The following GLI2 variants were observed in gnomAD, a reference collection of about 807,000 sequenced individuals.
GLI2 encodes transcription activator GLI2.
Under a neutral mutation model 78.9 loss-of-function variants are expected in GLI2, and 22 were observed. That is an observed-to-expected ratio of 0.28 (90% CI 0.20 to 0.40). The LOEUF (loss-of-function observed/expected upper bound fraction) is 0.40, where lower values mean the gene tolerates loss of function less well. Among genes scored for constraint, GLI2 ranks in the 10% least tolerant of loss-of-function variants. The pLI, the probability that GLI2 is intolerant of heterozygous loss-of-function variation, is 1.00. For missense variants in GLI2, 2,097 were observed against 2,213.2 expected (o/e 0.95, Z 1.05); for synonymous variants, 974 against 963.7 (o/e 1.01, Z -0.20).
At position 120,797,462 on chromosome 2, in the gene GLI2, C is replaced by G. The variant is rs755515251; in HGVS notation, c.142C>G (p.Gln48Glu). ...AAAAAAAVAAQGVPQHLLPPF... is the reference protein window; with the variant it reads ...AAAAAAAVAAEGVPQHLLPPF... ...AGCGGCAGCAGCAGCGGTAGCTGCC[C>G]AAGGAGGTACTTTCTGTTTCGCACA... Residue 48 changes from glutamine to glutamate, a missense_variant, in exon 2 of 14, where the codon CAA (glutamine) becomes GAA (glutamate). By Grantham distance (29) the Gln-to-Glu change is conservative. Transcript: ENST00000361492. The G allele has an allele frequency of 2.5e-6, 4 of 1,613,482 alleles. No individual in the cohort carries two copies. The East Asian group carries it at 8.9e-5, about 36-fold the overall frequency.
chr2:120,778,607 CG>C (rs1205115286), intron 1 of GLI2, among the ~76,000 whole-genome samples: 1 of 152,090 alleles, frequency 6.6e-6, no homozygotes, highest in Non-Finnish European at 1.5e-5. Flanking sequence ...TGGGGTGAGA[CG>C]GGGTGAAGTC....
intron 5 of GLI2, among the ~76,000 whole-genome samples, chr2:120,966,884 A>C (rs1323108172): frequency 2.6e-5 from 4 of 152,180 alleles, no homozygotes; most frequent in Non-Finnish European, 4.4e-5. Flanking sequence ...CATGATTCAG[A>C]GTGGCCCTAA....
chr2:120,943,045 G>A (rs777934490), intron 3 of GLI2, among the ~76,000 whole-genome samples: 4 of 152,178 alleles, frequency 2.6e-5, no homozygotes, highest in Non-Finnish European at 5.9e-5. Context: ...TGGCATGTGC[G>A]GAGCCAGGTG....
At chr2:120,841,851 GTGT>G (rs1558827872) in intron 2 of GLI2, among the ~76,000 whole-genome samples, 17 of 133,576 alleles carry the variant, frequency 1.3e-4, no homozygotes, top group African/African-American at 1.7e-4. Context: ...TCTGGAGGGT[GTGT>G]GTGTGTGTGT....
chr2:120,915,961 C>T (rs1020959134), intron 2 of GLI2, among the ~76,000 whole-genome samples: 3 of 152,212 alleles, frequency 2.0e-5, no homozygotes, highest in African/African-American at 7.2e-5. Context: ...TAGTACAATG[C>T]CTAGTAGGCG....
At chr2:120,879,781 C>T (rs1202622832) in intron 2 of GLI2, among the ~76,000 whole-genome samples, 3 of 152,200 alleles carry the variant, frequency 2.0e-5, no homozygotes, top group African/African-American at 7.2e-5. Context: ...GTGTGTTAAA[C>T]TCTGCACGCG....
Position 120,823,244 on chromosome 2 carries a change from C to T in GLI2, c.148+25776C>T, listed in dbSNP as rs60972718. Among the ~76,000 whole-genome samples, 1,145 of 152,222 alleles carry T rather than the reference C, an allele frequency of 7.5e-3. 8 individuals carry two copies. The highest frequency in any genetic ancestry group is 0.026 in the African/African-American group (1,083 of 41,538). ...ACCTGAATTGCTTTTTAATTTCTGC[C>T]GTGGGAAGCTGCCCCCGGTGTGATA... is the stretch of plus-strand genomic sequence containing the variant. On this transcript the variant is annotated intron_variant, in intron 2 of 13. Coordinates refer to ENST00000361492, the MANE Select transcript of GLI2 (RefSeq NM_001374353.1).
At chr2:120,814,925 G>A (rs144079054) in intron 2 of GLI2, among the ~76,000 whole-genome samples, 2,061 of 152,188 alleles carry the variant, frequency 0.014, 30 homozygotes, top group Non-Finnish European at 0.018. Flanking sequence ...AGAAATGGGC[G>A]TGATGGTCCT....
rs188000204 is a variant in GLI2, at chr2:120,835,119, C to T, written c.148+37651C>T. On this transcript the variant is annotated intron_variant, in intron 2 of 13. Coordinates refer to ENST00000361492, the MANE Select transcript of GLI2 (RefSeq NM_001374353.1). ...TCTCTGAGGGAAGGAAAGTGATCAT[C>T]AAACAGTGAAGACCAGGATTTGGGG... Among the ~76,000 whole-genome samples, 347 of 152,320 alleles carry T rather than the reference C, an allele frequency of 2.3e-3. 4 individuals carry two copies. Among genetic ancestry groups the T allele is most frequent in the African/African-American group, 8.0e-3 (331 of 41,572 alleles).
intron 1 of GLI2, among the ~76,000 whole-genome samples, chr2:120,784,737 G>A (rs74997882): frequency 0.013 from 1,908 of 152,176 alleles, 41 homozygotes; most frequent in African/African-American, 0.044. Context: ...TTTCTGGACC[G>A]GAACTGTTCT....
chr2:120,741,476 T>G (rs1293688674), intron 1 of GLI2, among the ~76,000 whole-genome samples: 1 of 150,474 alleles, frequency 6.6e-6, no homozygotes, highest in Non-Finnish European at 1.5e-5. Context: ...CTCCTTTCTC[T>G]CCCTCTCCGT....
At chr2:120,908,803 G>C (rs1678670002) in intron 2 of GLI2, among the ~76,000 whole-genome samples, 1 of 152,230 alleles carries the variant, frequency 6.6e-6, no homozygotes. Flanking sequence ...TGGGTGGTTT[G>C]GTTTGGGAAT....
chr2:120,912,980 G>A (rs762779090), intron 2 of GLI2, among the ~76,000 whole-genome samples: 3 of 152,180 alleles, frequency 2.0e-5, no homozygotes, highest in African/African-American at 4.8e-5. Flanking sequence ...TTCTGGGAAC[G>A]TTTGTGAGTT....
chr2:120,870,597 G>A lies in GLI2; in HGVS notation c.149-56764G>A, dbSNP rs546995820. 2.6e-5 allele frequency among the ~76,000 whole-genome samples: 4 copies of A among 152,268 alleles called. No individual in the cohort carries two copies. The South Asian group carries it at 6.2e-4, about 24-fold the overall frequency. ...CCGGAATGTGAACTTCACGGATAGC[G>A]CTGGCTCACACCTGTGTTGCTTAGT... On this transcript the variant is annotated intron_variant, in intron 2 of 13. Coordinates refer to ENST00000361492, the MANE Select transcript of GLI2 (RefSeq NM_001374353.1).
intron 2 of GLI2, among the ~76,000 whole-genome samples, chr2:120,866,188 T>TGTTGGG (rs543458487): frequency 1.3e-5 from 2 of 151,986 alleles, no homozygotes; most frequent in African/African-American, 4.8e-5. Context: ...TAGCAGAGGG[T>TGTTGGG]GTTGGGGATA....
At chr2:120,802,901 T>C (rs1684769422) in intron 2 of GLI2, among the ~76,000 whole-genome samples, 1 of 152,256 alleles carries the variant, frequency 6.6e-6, no homozygotes. Context: ...TTAGAAATGC[T>C]AATTCTTGAG....
At chr2:120,820,580 G>A (rs1389340165) in intron 2 of GLI2, among the ~76,000 whole-genome samples, 3 of 152,240 alleles carry the variant, frequency 2.0e-5, no homozygotes, top group Non-Finnish European at 2.9e-5. Context: ...GGCTGTGGAT[G>A]TGTGGGCTCC....
At chr2:120,841,199 AAGACCCATGAAGTGGTCGGTTTTC>A (rs1160389167) in intron 2 of GLI2, among the ~76,000 whole-genome samples, 2 of 152,218 alleles carry the variant, frequency 1.3e-5, no homozygotes, top group Admixed American at 1.3e-4. Flanking sequence ...CTCCCTGCAA[AAGACCCATGAAGTGGTCGGTTTTC>A]AGAGGAGGAA....
chr2:120,809,209 A>G (rs527308137), intron 2 of GLI2, among the ~76,000 whole-genome samples: 96 of 152,348 alleles, frequency 6.3e-4, no homozygotes, highest in Middle Eastern at 3.4e-3. Flanking sequence ...GTGCTAATCA[A>G]TGGTATACAC....
Sources: allele counts gnomAD v4.1 joint callset (sites outside exome capture counted in the v4.1 genomes callset), GRCh38; gene constraint gnomAD v4.1.1; transcripts MANE v1.5; gene names NCBI Gene and HGNC (gene_info 2026-07-23, HGNC 2026-07-21).